Variants in TKT observed in about 807,000 individuals in gnomAD.
TKT encodes transketolase.
Under a neutral mutation model 63.9 loss-of-function variants are expected in TKT, and 47 were observed. The ratio of observed to expected loss-of-function variants is 0.74; its 90% confidence interval spans 0.58 to 0.94. TKT has a LOEUF of 0.94. Among genes scored for constraint, TKT ranks in the 40% least tolerant of loss-of-function variants. The probability of loss-of-function intolerance (pLI) is 0.00; values close to 1 mark genes in which losing one functional copy is unlikely to be tolerated. For synonymous variants in TKT, 338 were observed against 334.1 expected (o/e 1.01, Z -0.13); for missense variants, 721 against 846.2 (o/e 0.85, Z 1.84).
At chr3:53,230,436 C>T (rs1553676734) in intron 8 of TKT, 21 bp downstream of exon 8, 2 of 1,614,054 alleles carry the variant, frequency 1.2e-6, no homozygotes, top group Non-Finnish European at 1.7e-6. Context: ...TGGACCTGTC[C>T]CTGCCGGCCC....
intron 1 of TKT, among the ~76,000 whole-genome samples, chr3:53,248,356 G>A (rs880001574): frequency 5.3e-5 from 8 of 152,192 alleles, no homozygotes; most frequent in Admixed American, 2.0e-4. Context: ...AAGAAATGAA[G>A]GGCTGGGCGT....
chr3:53,234,179 C>G (rs1704902188), intron 5 of TKT: 1 of 152,334 alleles, frequency 6.6e-6, no homozygotes, highest in Non-Finnish European at 1.5e-5. Flanking sequence ...TTCCTCCTCT[C>G]CCTTTCTGAG....
chr3:53,238,802 G>T (rs571677509), intron 4 of TKT, among the ~76,000 whole-genome samples: 19 of 152,212 alleles, frequency 1.2e-4, no homozygotes, highest in Non-Finnish European at 2.5e-4. Context: ...CCTGTAAGAC[G>T]GGTCACGGTT....
At position 53,230,511 on chromosome 3, in the gene TKT, G is replaced by A; in HGVS notation, c.1053C>T (p.Phe351=). Residue 351 remains phenylalanine, a synonymous_variant, in exon 8 of 14, where the codon TTC becomes TTT. Transcript: ENST00000462138. ...DTKNSTFSEI[F]KKEHPDRFIE... ...TGAAGCGGTCCGGGTGCTCCTTTTT[G>A]AAGATCTCCGAGAAGGTGGAATTTT... The A allele has an allele frequency of 6.2e-7, 1 of 1,614,226 alleles. No individual in the cohort carries two copies. The highest frequency in any genetic ancestry group is 1.6e-4 in the Middle Eastern group (1 of 6,062).
Position 53,255,632 on chromosome 3 carries a change from G to A in TKT, c.107+204C>T, listed in dbSNP as rs553431617. 3.9e-3 allele frequency among the ~76,000 whole-genome samples: 595 copies of A among 152,200 alleles called. 2 individuals carry two copies. The highest frequency in any genetic ancestry group is 0.014 in the African/African-American group (578 of 41,566). On this transcript the variant is annotated intron_variant, in intron 1 of 13. Transcript: ENST00000462138. Reference sequence around the variant, plus strand: ...CAGAGGCCCACGCGGCCGAGCCCGGGCGTAGGGCGAGTGTGCGGCGCAGCG... The same window carrying A: ...CAGAGGCCCACGCGGCCGAGCCCGGACGTAGGGCGAGTGTGCGGCGCAGCG...
rs536178767 is a variant in TKT, at chr3:53,233,138, C to T, written c.748+18G>A. On this transcript the variant is annotated intron_variant, in intron 6 of 13. Coordinates refer to ENST00000462138, the MANE Select transcript of TKT (RefSeq NM_001064.4). ...GGGCGAGGGGTGAAGGTGGGGAGGGCGGCTTGTGCATACTGACCCGTGATC... is the reference window on the plus strand; with the variant it reads ...GGGCGAGGGGTGAAGGTGGGGAGGGTGGCTTGTGCATACTGACCCGTGATC... The T allele has an allele frequency of 5.6e-6, 9 of 1,606,426 alleles. No homozygotes were observed. Among genetic ancestry groups the T allele is most frequent in the Middle Eastern group, 1.7e-4 (1 of 6,030 alleles).
At chr3:53,252,644 G>C (rs1705806827) in intron 1 of TKT, among the ~76,000 whole-genome samples, 2 of 152,110 alleles carry the variant, frequency 1.3e-5, no homozygotes, top group Admixed American at 6.5e-5. Flanking sequence ...ACGGCGGTGA[G>C]GAAATCAGAC....
Position 53,227,970 on chromosome 3 carries a change from A to G in TKT, c.1573+86T>C. ...TCTCTAGCTGTGAGCTCTTCAAGAA[A>G]GAACAGAAAGAACGAAAGAAAGAAC... On this transcript the variant is annotated intron_variant, in intron 12 of 13. Coordinates refer to ENST00000462138, the MANE Select transcript of TKT (RefSeq NM_001064.4). 2 of 1,170,502 alleles carry G rather than the reference A, an allele frequency of 1.7e-6. 1 individual carries two copies. The highest frequency in any genetic ancestry group is 2.5e-6 in the Non-Finnish European group (2 of 808,756). The allele number at this position is 1,170,502 out of a possible 1,614,324, so 72.5% of individuals were successfully genotyped here. A position where few individuals can be genotyped will look rare whatever the true frequency, so the allele number is the denominator to read the frequency against.
chr3:53,252,400 A>G (rs1017852555), intron 1 of TKT, among the ~76,000 whole-genome samples: 15 of 152,384 alleles, frequency 9.8e-5, no homozygotes, highest in African/African-American at 3.6e-4. Context: ...TTGGCTCACA[A>G]CTTTCAAAAT....
rs1575569941 is a variant in TKT, at chr3:53,242,197, G to C, written c.153C>G (p.Leu51=). The C allele has an allele frequency of 1.2e-6, 2 of 1,614,150 alleles. No individual in the cohort carries two copies. Among genetic ancestry groups the C allele is most frequent in the Non-Finnish European group, 1.7e-6 (2 of 1,180,032 alleles). The change falls in exon 2 of 14, where the codon CTC becomes CTG. Residue 51 remains leucine (L), a synonymous_variant. Transcript: ENST00000462138. ...ACTTGTAGCGCATGGTGTGGAAAAA[G>C]AGGACAGCCATGATCTCTGCGGCGC... ...CCSAAEIMAV[L]FFHTMRYKSQ...
rs138800952 is a variant in TKT at position 53,233,314 on chromosome 3, G to A, written c.630-40C>T. 65 of 1,530,374 alleles carry A rather than the reference G, an allele frequency of 4.2e-5. No homozygotes were observed. In the African/African-American group the frequency reaches 8.0e-4, roughly 19 times the overall value. The allele number at this position is 1,530,374 out of a possible 1,614,324, so 94.8% of individuals were successfully genotyped here. The stretch of plus-strand genomic sequence containing the variant: ...CAGAGAGTAAGGGGCAATTCCCAGG[G>A]GCCACAACACCGAGGAGCCTTCCAG... On this transcript the variant is annotated intron_variant, in intron 5 of 13. Coordinates refer to ENST00000462138, the MANE Select transcript of TKT (RefSeq NM_001064.4).
At chr3:53,235,254 C>A in intron 4 of TKT, 80 bp from the exon 5 acceptor site, 1 of 1,374,660 alleles carries the variant, frequency 7.3e-7, no homozygotes. Flanking sequence ...TCCAAGGAGC[C>A]TGCATTCTGG....
At chr3:53,226,719 G>T (rs1219289626) in intron 13 of TKT, 37 bp downstream of exon 13, 2 of 1,613,710 alleles carry the variant, frequency 1.2e-6, no homozygotes, top group Non-Finnish European at 1.7e-6. Context: ...CTCTGGCCCT[G>T]TCCCTTGCCC....
At position 53,229,265 on chromosome 3, in the gene TKT, C is replaced by T. The variant is rs1553676356; in HGVS notation, c.1264+15G>A. The stretch of plus-strand genomic sequence containing the variant: ...TCAAGGGAGCTCCAGGTGTAAACAC[C>T]CTGGCTAAACTCACCGATGGAAACG... On this transcript the variant is annotated intron_variant, in intron 9 of 13. Transcript: ENST00000462138. The T allele has an allele frequency of 6.2e-7, 1 of 1,613,904 alleles. No homozygotes were observed. Among genetic ancestry groups the T allele is most frequent in the Non-Finnish European group, 8.5e-7 (1 of 1,179,890 alleles).
rs782347817 is a variant in TKT, at chr3:53,233,137, G to A, written c.748+19C>T. On this transcript the variant is annotated intron_variant, in intron 6 of 13. Transcript: ENST00000462138. ...TGGGCGAGGGGTGAAGGTGGGGAGG[G>A]CGGCTTGTGCATACTGACCCGTGAT... is the stretch of plus-strand genomic sequence containing the variant. 24 of 1,606,040 alleles carry A rather than the reference G, an allele frequency of 1.5e-5. No homozygotes were observed. Among genetic ancestry groups the A allele is most frequent in the Non-Finnish European group, 2.0e-5 (24 of 1,174,136 alleles).
chr3:53,229,358 C>T lies in TKT; in HGVS notation c.1186G>A (p.Ala396Thr). 4 of 1,613,764 alleles carry T rather than the reference C, an allele frequency of 2.5e-6. No individual in the cohort carries two copies. The highest frequency in any genetic ancestry group is 3.4e-6 in the Non-Finnish European group (4 of 1,179,862). The change falls in exon 9 of 14, where the codon GCC (alanine) becomes ACC (threonine). Residue 396 changes from alanine to threonine, a missense_variant. Physicochemically the swap from Ala to Thr is moderately conservative, Grantham distance 58. Coordinates refer to ENST00000462138, the MANE Select transcript of TKT (RefSeq NM_001064.4). ...CSTFAAFFTR[A>T]FDQIRMAAIS... is the part of the protein sequence containing the mutation. ...GCGGCCATGCGAATCTGGTCAAAGGCCCGCGTGAAGAAGGCTGCAAAAGTG... is the reference window on the plus strand; with the variant it reads ...GCGGCCATGCGAATCTGGTCAAAGGTCCGCGTGAAGAAGGCTGCAAAAGTG...
At chr3:53,244,373 G>A (rs1394813963) in intron 1 of TKT, among the ~76,000 whole-genome samples, 2 of 152,154 alleles carry the variant, frequency 1.3e-5, no homozygotes, top group Non-Finnish European at 2.9e-5. Context: ...GTCAACCCGG[G>A]GCTCAGCTTC....
In TKT at chr3:53,231,024, T is replaced by C. The variant is rs529236463; in HGVS notation, c.942+333A>G. ...ACAGCTCTGCCTAGCCTTTCCCAGG[T>C]CAGGTGGGGGTCCTGAGCTCAGGCC... is the stretch of plus-strand genomic sequence containing the variant. On this transcript the variant is annotated intron_variant, in intron 7 of 13. Coordinates refer to ENST00000462138, the MANE Select transcript of TKT (RefSeq NM_001064.4). 4.6e-5 allele frequency among the ~76,000 whole-genome samples: 7 copies of C among 152,224 alleles called. No homozygotes were observed. The East Asian group carries it at 1.2e-3, about 25-fold the overall frequency.
chr3:53,240,473 G>T, intron 3 of TKT, 125 bp from the exon 4 acceptor site: 1 of 744,584 alleles, frequency 1.3e-6, no homozygotes, highest in Non-Finnish European at 2.2e-6. Context: ...GCCCCAGGAT[G>T]GCCTCTACCT....
Sources: allele counts gnomAD v4.1 joint callset (sites outside exome capture counted in the v4.1 genomes callset), GRCh38; gene constraint gnomAD v4.1.1; transcripts MANE v1.5; gene names NCBI Gene and HGNC (gene_info 2026-07-23, HGNC 2026-07-21).